The following RIC8B variants were observed in gnomAD, a reference collection of about 807,000 sequenced individuals.
The protein encoded by RIC8B is chaperone Ric-8B.
Under a neutral mutation model 57.5 loss-of-function variants are expected in RIC8B, and 16 were observed. The observed-to-expected ratio is 0.28, with a 90% CI of 0.19 to 0.42. The LOEUF is 0.42. Ranked by LOEUF, RIC8B falls within the 10% of genes least tolerant of loss-of-function variation. RIC8B has a pLI of 1.00. For missense variants in RIC8B, 481 were observed against 677.0 expected (o/e 0.71, Z 3.21); for synonymous variants, 216 against 250.8 (o/e 0.86, Z 1.31).
intron 9 of RIC8B, 73 bp downstream of exon 9, chr12:106,871,015 TA>T (rs1390038258): frequency 1.4e-6 from 2 of 1,437,468 alleles, no homozygotes; most frequent in Non-Finnish European, 1.9e-6. Flanking sequence ...CACTGAGAGT[TA>T]CCATAGAACA....
chr12:106,851,177 A>G (rs1221460397), intron 6 of RIC8B, among the ~76,000 whole-genome samples: 1 of 152,170 alleles, frequency 6.6e-6, no homozygotes, highest in Non-Finnish European at 1.5e-5. Flanking sequence ...GTGTTGAGAT[A>G]AACAAAAACT....
intron 4 of RIC8B, among the ~76,000 whole-genome samples, chr12:106,826,671 A>C (rs545948853): frequency 1.1e-4 from 16 of 152,318 alleles, no homozygotes; most frequent in Non-Finnish European, 1.9e-4. Flanking sequence ...CAGGAGAAAC[A>C]CTGAACCTGG....
At position 106,867,837 on chromosome 12, in the gene RIC8B, A is replaced by G. The variant is rs571269901; in HGVS notation, c.1452-2986A>G. Among the ~76,000 whole-genome samples the G allele has an allele frequency of 2.0e-5, 3 of 152,314 alleles. No individual in the cohort carries two copies. The South Asian group carries it at 6.2e-4, about 32-fold the overall frequency. ...GGCTTTTGTTTACATTCTTCCGAAT[A>G]TCCAGGGGAAAAATGTCTTTTTAAA... On this transcript the variant is annotated intron_variant, in intron 8 of 9. Coordinates refer to ENST00000392837, the MANE Select transcript of RIC8B (RefSeq NM_001330145.2). This position sits in a 1 kb window ranked among gnomAD's most constrained non-coding sequence, Gnocchi z 4.3.
At chr12:106,870,365 G>T (rs1950349513) in intron 8 of RIC8B, among the ~76,000 whole-genome samples, 1 of 151,952 alleles carries the variant, frequency 6.6e-6, no homozygotes, top group Non-Finnish European at 1.5e-5. Context: ...TTATAAATTG[G>T]CATGCTTTCA....
chr12:106,882,552 C>T (rs536741483), intron 9 of RIC8B, among the ~76,000 whole-genome samples: 4 of 152,228 alleles, frequency 2.6e-5, no homozygotes, highest in Admixed American at 2.6e-4. Context: ...TATCACGACC[C>T]CCATTTCACT....
At chr12:106,797,944 T>C (rs953272865) in intron 2 of RIC8B, 9 of 672,734 alleles carry the variant, frequency 1.3e-5, no homozygotes, top group Non-Finnish European at 2.5e-5. Flanking sequence ...TTGTGTAGTT[T>C]ATGAATCGAT....
chr12:106,843,819 T>C (rs1949066287), intron 5 of RIC8B, 33 bp from the exon 6 acceptor site: 1 of 1,489,144 alleles, frequency 6.7e-7, no homozygotes, highest in African/African-American at 1.4e-5. Context: ...AAAACTAACG[T>C]ATTTCAAAAA....
chr12:106,843,997 T>C, intron 6 of RIC8B, 50 bp downstream of exon 6: 1 of 1,202,134 alleles, frequency 8.3e-7, no homozygotes. Flanking sequence ...TTTATGTGCA[T>C]TTTAAACATA....
At chr12:106,873,277 G>A in intron 9 of RIC8B, 2 of 665,806 alleles carry the variant, frequency 3.0e-6, no homozygotes, top group Non-Finnish European at 3.7e-6. Flanking sequence ...GCAACCTTGA[G>A]AATAGTTCAA....
intron 7 of RIC8B, 30 bp from the exon 8 acceptor site, chr12:106,860,238 C>T (rs780962875): frequency 2.0e-6 from 3 of 1,513,684 alleles, no homozygotes; most frequent in Non-Finnish European, 2.7e-6. Flanking sequence ...CCCAAGGATT[C>T]CTATCTAAAA....
intron 6 of RIC8B, among the ~76,000 whole-genome samples, chr12:106,844,375 A>T (rs1326750963): frequency 6.6e-6 from 1 of 150,906 alleles, no homozygotes; most frequent in Non-Finnish European, 1.5e-5. Flanking sequence ...AGTATCTCTG[A>T]GAATGATTGG....
Position 106,774,875 on chromosome 12 carries a change from G to T in RIC8B, c.84+46G>T, listed in dbSNP as rs967540644. On this transcript the variant is annotated intron_variant, in intron 1 of 9. Transcript: ENST00000392837. ...GCGTGCGGTATCGCACCCCCGGGCC[G>T]CCCTCCGTGCTTGCACATCGCATCC... 3.5e-5 allele frequency: 50 copies of T among 1,414,018 alleles called. No individual in the cohort carries two copies. In the East Asian group the frequency reaches 1.2e-3, roughly 33 times the overall value. The allele number at this position is 1,414,018 out of a possible 1,614,324, so 87.6% of individuals were successfully genotyped here.
Position 106,879,440 on chromosome 12 carries a change from C to G in RIC8B, c.1572-6464C>G, listed in dbSNP as rs1950820210. On this transcript the variant is annotated intron_variant, in intron 9 of 9. Coordinates refer to ENST00000392837, the MANE Select transcript of RIC8B (RefSeq NM_001330145.2). This position sits in a 1 kb window ranked among gnomAD's most constrained non-coding sequence, Gnocchi z 4.9. Reference sequence around the variant, plus strand: ...GAAGCCCTAAAAAGCAGAACCTTCTCTAAGGTGCTGAGAAGTCATATAAGC... The same window carrying G: ...GAAGCCCTAAAAAGCAGAACCTTCTGTAAGGTGCTGAGAAGTCATATAAGC... The G allele has an allele frequency of 1.0e-6, 1 of 985,192 alleles. No individual in the cohort carries two copies. The highest frequency in any genetic ancestry group is 1.2e-6 in the Non-Finnish European group (1 of 829,888). 61.0% of individuals were successfully genotyped at this position (985,192 alleles called of 1,614,324 possible).
rs2136420136 is a variant in RIC8B at position 106,842,571 on chromosome 12, T to C, written c.837-18T>C. 6.3e-7 allele frequency: 1 copy of C among 1,584,734 alleles called. No homozygotes were observed. The highest frequency in any genetic ancestry group is 2.2e-5 in the East Asian group (1 of 44,682). ...TTCAATCAAGTTAAAATATTGTATT[T>C]TTTTAATTGCTTTTCAGCAATGCAG... On this transcript the variant is annotated intron_variant, in intron 4 of 9. Coordinates refer to ENST00000392837, the MANE Select transcript of RIC8B (RefSeq NM_001330145.2).
At chr12:106,856,728 G>A (rs1275430409) in intron 7 of RIC8B, among the ~76,000 whole-genome samples, 2 of 152,184 alleles carry the variant, frequency 1.3e-5, no homozygotes, top group African/African-American at 4.8e-5. Context: ...CGGAGATCAT[G>A]TCCTACTCAT....
chr12:106,783,190 C>T (rs2043844396), intron 1 of RIC8B, among the ~76,000 whole-genome samples: 1 of 152,184 alleles, frequency 6.6e-6, no homozygotes, highest in Admixed American at 6.5e-5. Flanking sequence ...GCATCATCAT[C>T]ATTATATCCC....
At chr12:106,851,818 C>G (rs921682127) in intron 7 of RIC8B, among the ~76,000 whole-genome samples, 1 of 152,186 alleles carries the variant, frequency 6.6e-6, no homozygotes, top group African/African-American at 2.4e-5. Context: ...CAAACACACT[C>G]ACATTTAAAC....
chr12:106,785,805 CTCTCTCTCTG>C (rs1171156951), intron 2 of RIC8B, among the ~76,000 whole-genome samples: 3 of 127,920 alleles, frequency 2.3e-5, no homozygotes, highest in Admixed American at 1.7e-4. Context: ...CTCTCTCTCT[CTCTCTCTCTG>C]TGTGTGTGTG....
intron 2 of RIC8B, among the ~76,000 whole-genome samples, chr12:106,804,042 A>G (rs1335588384): frequency 6.6e-6 from 1 of 152,196 alleles, no homozygotes; most frequent in Non-Finnish European, 1.5e-5. Context: ...TATATTCTCT[A>G]TTATACCTTG....
Sources: gnomAD v4.1 joint callset for allele counts (sites outside exome capture counted in the v4.1 genomes callset) on GRCh38, gnomAD v4.1.1 for gene constraint, Gnocchi (gnomAD v3.1) non-coding constraint, MANE v1.5 for transcripts, NCBI Gene and HGNC (gene_info 2026-07-23, HGNC 2026-07-21) for gene names.